The following SLC35F4 variants were observed in gnomAD, a reference collection of about 807,000 sequenced individuals.
SLC35F4 encodes solute carrier family 35 member F4, also known as chromosome 14 open reading frame 36.
SLC35F4 carries 24 observed loss-of-function variants against 44.2 expected under a neutral mutation model. The observed-to-expected ratio is 0.54, with a 90% CI of 0.39 to 0.76. The LOEUF (loss-of-function observed/expected upper bound fraction) is 0.76. SLC35F4 is among the 30% of genes least tolerant of loss of function. The pLI is 0.00. For missense variants in SLC35F4, 562 were observed against 586.1 expected (o/e 0.96, Z 0.42); for synonymous variants, 238 against 223.6 (o/e 1.06, Z -0.57).
At position 57,852,556 on chromosome 14, in the gene SLC35F4, C is replaced by A. The variant is rs540194281; in HGVS notation, c.103+13167G>T. On this transcript the variant is annotated intron_variant, in intron 1 of 7. Transcript: ENST00000556826. ...AGATGTGGACTAGAAAGGAACAAGA[C>A]AAGCAGTTCCAGCTTCAAGCACTTG... 1.5e-4 allele frequency among the ~76,000 whole-genome samples: 23 copies of A among 152,312 alleles called. No homozygotes were observed. In the South Asian group the frequency reaches 4.8e-3, roughly 32 times the overall value.
chr14:57,718,979 T>A (rs920594640), intron 1 of SLC35F4, among the ~76,000 whole-genome samples: 3 of 152,210 alleles, frequency 2.0e-5, no homozygotes, highest in Middle Eastern at 3.2e-3. Flanking sequence ...GGACTTAGAT[T>A]TAAGTCTATA....
downstream of SLC35F4, among the ~76,000 whole-genome samples, chr14:57,974,911 G>A (rs145690727): frequency 6.9e-4 from 105 of 152,218 alleles, 2 homozygotes; most frequent in East Asian, 0.02. Context: ...CCCTAGCTAG[G>A]CATCAAAATC....
intron 1 of SLC35F4, among the ~76,000 whole-genome samples, chr14:57,944,738 A>G (rs1368044931): frequency 1.3e-5 from 2 of 149,970 alleles, no homozygotes; most frequent in South Asian, 2.1e-4. Flanking sequence ...AAAGAAAGAA[A>G]GAAAGAAAGA....
At chr14:57,598,199 C>T (rs1202809436) in intron 1 of SLC35F4, among the ~76,000 whole-genome samples, 1 of 152,170 alleles carries the variant, frequency 6.6e-6, no homozygotes, top group Non-Finnish European at 1.5e-5. Context: ...TGCTGCTTAC[C>T]TTTCTCTGCG....
chr14:57,586,528 T>C (rs1225003196), intron 3 of SLC35F4, among the ~76,000 whole-genome samples: 1 of 151,218 alleles, frequency 6.6e-6, no homozygotes, highest in African/African-American at 2.4e-5. Context: ...CCATCCTGGC[T>C]AACACAGTGA....
intron 1 of SLC35F4, among the ~76,000 whole-genome samples, chr14:57,859,999 T>C (rs1167681524): frequency 6.6e-6 from 1 of 152,058 alleles, no homozygotes. Flanking sequence ...CAGGTGTGGG[T>C]TCAGAAAAAG....
intron 1 of SLC35F4, among the ~76,000 whole-genome samples, chr14:57,650,230 T>G (rs892000352): frequency 4.6e-5 from 7 of 152,120 alleles, no homozygotes; most frequent in African/African-American, 1.4e-4. Context: ...CATTCCAAGT[T>G]GTCTCTAGCC....
intron 1 of SLC35F4, among the ~76,000 whole-genome samples, chr14:57,817,583 T>C (rs1253033815): frequency 1.3e-5 from 2 of 152,088 alleles, no homozygotes; most frequent in African/African-American, 4.8e-5. Flanking sequence ...AGGATTCTAA[T>C]GTGTGCTGCT....
intron 1 of SLC35F4, among the ~76,000 whole-genome samples, chr14:57,745,206 T>G (rs1018784600): frequency 7.2e-5 from 11 of 152,110 alleles, no homozygotes; most frequent in African/African-American, 2.7e-4. Context: ...CCAAAAGCAA[T>G]GGCAACAAAA....
chr14:57,890,670 C>T (rs1284712234), intron 1 of SLC35F4, among the ~76,000 whole-genome samples: 1 of 152,016 alleles, frequency 6.6e-6, no homozygotes, highest in East Asian at 1.9e-4. Context: ...GTATGTCTAG[C>T]TTTTGTGGAT....
intron 1 of SLC35F4, among the ~76,000 whole-genome samples, chr14:57,971,291 T>C (rs1266214485): frequency 6.6e-6 from 1 of 152,246 alleles, no homozygotes; most frequent in African/African-American, 2.4e-5. Context: ...ATAAATTTAC[T>C]TGGCAAATCT....
chr14:57,926,725 TGG>T (rs3034470), intron 1 of SLC35F4, among the ~76,000 whole-genome samples: 24,586 of 125,000 alleles, frequency 0.2, 2,107 homozygotes, highest in East Asian at 0.23. Context: ...GAAGTAGGGT[TGG>T]GGGGGGGGGG....
chr14:57,828,448 T>C (rs1379905547), intron 1 of SLC35F4, among the ~76,000 whole-genome samples: 3 of 152,170 alleles, frequency 2.0e-5, no homozygotes, highest in African/African-American at 4.8e-5. Flanking sequence ...TCTCATGTGA[T>C]AGAAAAATTC....
At chr14:57,957,445 C>A (rs987932189) in intron 1 of SLC35F4, among the ~76,000 whole-genome samples, 2 of 141,076 alleles carry the variant, frequency 1.4e-5, no homozygotes, top group African/African-American at 2.7e-5. Context: ...AAAAAAAAAA[C>A]TGCAATGAAT....
At chr14:57,739,365 T>C (rs1162140766) in intron 1 of SLC35F4, among the ~76,000 whole-genome samples, 1 of 152,232 alleles carries the variant, frequency 6.6e-6, no homozygotes, top group Non-Finnish European at 1.5e-5. Flanking sequence ...TACTTTTCTC[T>C]CTTTTATTGA....
At chr14:57,803,582 C>CTTTTTT (rs532690276) in intron 1 of SLC35F4, among the ~76,000 whole-genome samples, 248 of 79,332 alleles carry the variant, frequency 3.1e-3, no homozygotes, top group Non-Finnish European at 4.3e-3. Context: ...AAAGCTTCTT[C>CTTTTTT]TTTTTTTTTT....
At chr14:57,864,851 C>A (rs1181298899) in intron 1 of SLC35F4, among the ~76,000 whole-genome samples, 1 of 152,218 alleles carries the variant, frequency 6.6e-6, no homozygotes, top group Non-Finnish European at 1.5e-5. Context: ...ACTTCAGTCG[C>A]CAGTAGAACT....
At chr14:57,712,554 G>A (rs933469860) in intron 1 of SLC35F4, among the ~76,000 whole-genome samples, 1 of 152,134 alleles carries the variant, frequency 6.6e-6, no homozygotes, top group Non-Finnish European at 1.5e-5. Flanking sequence ...TCTATGTGAA[G>A]TCTCATTACC....
intron 1 of SLC35F4, among the ~76,000 whole-genome samples, chr14:57,734,123 A>G (rs1594913284): frequency 6.6e-6 from 1 of 152,272 alleles, no homozygotes; most frequent in South Asian, 2.1e-4. Context: ...CAGTTGCCCC[A>G]TCCCTGGGAA....
Sources: allele counts gnomAD v4.1 joint callset (sites outside exome capture counted in the v4.1 genomes callset), GRCh38; gene constraint gnomAD v4.1.1; transcripts MANE v1.5; gene names NCBI Gene and HGNC (gene_info 2026-07-23, HGNC 2026-07-21).